Variants in GRID2 observed in about 807,000 individuals in gnomAD.
GRID2 encodes the protein glutamate ionotropic receptor delta type subunit 2.
GRID2 carries 33 observed loss-of-function variants against 114.8 expected under a neutral mutation model. That is an observed-to-expected ratio of 0.29 (90% CI 0.22 to 0.38). GRID2 has a LOEUF of 0.38. Ranked by LOEUF, GRID2 falls within the 10% of genes least tolerant of loss-of-function variation. The pLI is 1.00. For missense variants in GRID2, 1,184 were observed against 1,257.7 expected, an observed-to-expected ratio of 0.94 and a Z score of 0.89; for synonymous variants, 505 against 449.9, an observed-to-expected ratio of 1.12 and a Z score of -1.55.
At chr4:93,326,981 C>A (rs998300565) in intron 8 of GRID2, among the ~76,000 whole-genome samples, 1 of 151,940 alleles carries the variant, frequency 6.6e-6, no homozygotes, top group Non-Finnish European at 1.5e-5. Flanking sequence ...ACATTTTTTT[C>A]TTTTTATATT....
intron 2 of GRID2, among the ~76,000 whole-genome samples, chr4:92,936,844 T>C (rs753250409): frequency 2.0e-5 from 3 of 146,572 alleles, no homozygotes; most frequent in Non-Finnish European, 4.5e-5. Flanking sequence ...TATATGTATG[T>C]TTTGTTTGTT....
chr4:92,590,289 A>G lies in GRID2; in HGVS notation c.244+3A>G. The stretch of plus-strand genomic sequence containing the variant: ...CCCTTTCCAAGCAGTTCAAGAAGGT[A>G]AGGTCATCAGTATTTATTTTGGTTT... On this transcript the variant is annotated splice_donor_region_variant and intron_variant, in intron 2 of 15. Coordinates refer to ENST00000282020, the MANE Select transcript of GRID2 (RefSeq NM_001510.4). 1 of 1,606,940 alleles carries G rather than the reference A, an allele frequency of 6.2e-7. No individual in the cohort carries two copies. Among genetic ancestry groups the G allele is most frequent in the Admixed American group, 1.7e-5 (1 of 59,130 alleles).
intron 3 of GRID2, among the ~76,000 whole-genome samples, chr4:93,097,839 A>G (rs892862240): frequency 6.6e-6 from 1 of 151,946 alleles, no homozygotes; most frequent in Admixed American, 6.6e-5. Context: ...ATTGATCAAA[A>G]TGAGCCATTT....
intron 2 of GRID2, among the ~76,000 whole-genome samples, chr4:92,980,038 TTA>T (rs1754095564): frequency 6.6e-6 from 1 of 152,188 alleles, no homozygotes; most frequent in African/African-American, 2.4e-5. Context: ...TTTTTCCAGG[TTA>T]TATGTTATTC....
intron 2 of GRID2, among the ~76,000 whole-genome samples, chr4:92,948,248 T>C (rs1751785586): frequency 6.6e-6 from 1 of 151,938 alleles, no homozygotes; most frequent in South Asian, 2.1e-4. Flanking sequence ...TTAATCGGCA[T>C]TTTTGTAACT....
At chr4:92,775,784 G>C (rs1484474675) in intron 2 of GRID2, among the ~76,000 whole-genome samples, 3 of 152,060 alleles carry the variant, frequency 2.0e-5, no homozygotes, top group African/African-American at 7.2e-5. Flanking sequence ...GTAATTATTG[G>C]CCTTAACACA....
Position 93,496,172 on chromosome 4 carries a change from T to C in GRID2, c.1997+5395T>C, listed in dbSNP as rs544160809. Among the ~76,000 whole-genome samples the C allele has an allele frequency of 3.3e-4, 49 of 150,646 alleles. No homozygotes were observed. The Middle Eastern group carries it at 0.01, about 32-fold the overall frequency. ...GAGAAAATAGGAAAGTACAAAAAGA[T>C]GTCGAAGGACAAAGCATTAATAATC... On this transcript the variant is annotated intron_variant, in intron 12 of 15. Coordinates refer to ENST00000282020, the MANE Select transcript of GRID2 (RefSeq NM_001510.4).
intron 14 of GRID2, among the ~76,000 whole-genome samples, chr4:93,689,219 A>G (rs1378750700): frequency 6.6e-6 from 1 of 152,002 alleles, no homozygotes; most frequent in African/African-American, 2.4e-5. Context: ...AAGAAAGTTA[A>G]TTTCTGTGGT....
At chr4:92,971,282 G>C (rs978905276) in intron 2 of GRID2, among the ~76,000 whole-genome samples, 2 of 151,912 alleles carry the variant, frequency 1.3e-5, no homozygotes, top group African/African-American at 4.8e-5. Context: ...GAAGAGCAGG[G>C]ACATAGGCAC....
chr4:93,233,431 C>T (rs1746386431), intron 7 of GRID2, among the ~76,000 whole-genome samples: 4 of 151,554 alleles, frequency 2.6e-5, no homozygotes, highest in Admixed American at 6.6e-5. Context: ...CAACCTCTGC[C>T]TCCTGGGTTC....
In GRID2 at chr4:93,204,676, C is replaced by T. The variant is rs145262162; in HGVS notation, c.736-2728C>T. 4.9e-3 allele frequency among the ~76,000 whole-genome samples: 748 copies of T among 152,184 alleles called. 7 individuals carry two copies. The highest frequency in any genetic ancestry group is 0.017 in the African/African-American group (721 of 41,522). ...CCTAACATACTTTAAGATGAAGAGC[C>T]ATGGGTAAATCTCATGGTCTAGATA... On this transcript the variant is annotated intron_variant, in intron 4 of 15. Transcript: ENST00000282020.
exon 2 of GRID2, chr4:93,809,880 T>A (rs746076714): frequency 3.3e-5 from 5 of 152,116 alleles, no homozygotes; most frequent in Non-Finnish European, 5.9e-5. Context: ...CCACTTGCTG[T>A]GGGAAGGGAG....
At chr4:92,940,969 C>T (rs1383425335) in intron 2 of GRID2, among the ~76,000 whole-genome samples, 2 of 152,094 alleles carry the variant, frequency 1.3e-5, no homozygotes, top group Non-Finnish European at 2.9e-5. Flanking sequence ...ATTCGGTTTG[C>T]CAGTATTTTA....
At chr4:92,382,191 A>G (rs182937385) in intron 1 of GRID2, among the ~76,000 whole-genome samples, 50 of 152,094 alleles carry the variant, frequency 3.3e-4, no homozygotes, top group African/African-American at 1.2e-3. Context: ...AGCCCATAAA[A>G]TTATGTGTTC....
At chr4:93,735,801 G>T (rs1322373248) in intron 14 of GRID2, among the ~76,000 whole-genome samples, 1 of 151,920 alleles carries the variant, frequency 6.6e-6, no homozygotes, top group African/African-American at 2.4e-5. Flanking sequence ...ATGTGTTATT[G>T]TTTTCTCAGG....
At chr4:93,635,005 C>T (rs932908666) in intron 14 of GRID2, among the ~76,000 whole-genome samples, 1 of 151,958 alleles carries the variant, frequency 6.6e-6, no homozygotes, top group Non-Finnish European at 1.5e-5. Flanking sequence ...TTTAGAAAGG[C>T]AGTGATTATT....
At chr4:93,748,476 C>T (rs147005108) in intron 14 of GRID2, among the ~76,000 whole-genome samples, 212 of 152,256 alleles carry the variant, frequency 1.4e-3, no homozygotes, top group Non-Finnish European at 2.0e-3. Context: ...ATCACTCAGA[C>T]GACTCCTTGG....
At chr4:93,293,558 A>C (rs759186797) in intron 8 of GRID2, among the ~76,000 whole-genome samples, 2 of 152,080 alleles carry the variant, frequency 1.3e-5, no homozygotes, top group Non-Finnish European at 2.9e-5. Context: ...AAGCAGACTA[A>C]AAAGAGATCT....
intron 14 of GRID2, among the ~76,000 whole-genome samples, chr4:93,706,762 T>C (rs1560928160): frequency 6.6e-6 from 1 of 152,132 alleles, no homozygotes; most frequent in Non-Finnish European, 1.5e-5. Flanking sequence ...TGAGTAACAG[T>C]GGTGAAAGCA....
Sources: allele counts gnomAD v4.1 joint callset (sites outside exome capture counted in the v4.1 genomes callset), GRCh38; gene constraint gnomAD v4.1.1; transcripts MANE v1.5; gene names NCBI Gene and HGNC (gene_info 2026-07-23, HGNC 2026-07-21).